Variants in PAPLN observed in about 807,000 individuals in gnomAD.
PAPLN encodes papilin, proteoglycan like sulfated glycoprotein, also known as papilin.
A neutral mutation model predicts 159.0 loss-of-function variants in PAPLN; 146 were observed. The observed-to-expected ratio is 0.92, with a 90% CI of 0.80 to 1.05. PAPLN has a LOEUF of 1.05. Ranked by LOEUF, PAPLN falls within the 50% of genes least tolerant of loss-of-function variation. The pLI is 0.00. For synonymous variants in PAPLN, 734 were observed against 702.9 expected, an observed-to-expected ratio of 1.04 and a Z score of -0.70; for missense variants, 1,720 against 1,743.9, an observed-to-expected ratio of 0.99 and a Z score of 0.24.
At chr14:73,236,102 T>TTCTTCCCCCCAACC (rs1883022063), upstream of PAPLN, among the ~76,000 whole-genome samples, 1 of 127,002 alleles carries the variant, frequency 7.9e-6, no homozygotes, top group Non-Finnish European at 1.6e-5. Flanking sequence ...TCTCCCCAAC[T>TTCTTCCCCCCAACC]TCTTCCCCCC....
At position 73,254,880 on chromosome 14, in the gene PAPLN, T is replaced by C; in HGVS notation, c.1489T>C (p.Ser497Pro). 1 of 1,611,448 alleles carries C rather than the reference T, an allele frequency of 6.2e-7. No homozygotes were observed. The highest frequency in any genetic ancestry group is 8.5e-7 in the Non-Finnish European group (1 of 1,179,928). ...AWHVGTWGLC[S>P]KSCSSGTRRR... ...CTCTCCCACTCGTGGGCCTCAGTGC[T>C]CCAAGAGCTGCAGCTCGGGCACTCG... Residue 497 changes from serine to proline, a missense_variant, in exon 14 of 27, where the codon TCC becomes CCC. Physicochemically the swap from Ser to Pro is moderately conservative, Grantham distance 74 (BLOSUM62 -1). Coordinates refer to ENST00000644200, the MANE Select transcript of PAPLN (RefSeq NM_001365906.3).
chr14:73,240,133 CG>C (rs1883383000), intron 2 of PAPLN, among the ~76,000 whole-genome samples: 1 of 152,122 alleles, frequency 6.6e-6, no homozygotes, highest in Non-Finnish European at 1.5e-5. Context: ...CCAATCCTGG[CG>C]GGTGCAGCCA....
rs752167574 is a variant in PAPLN, at chr14:73,272,917, A to G, written c.*253A>G. On this transcript the variant is annotated 3_prime_UTR_variant, in exon 27 of 27. Transcript: ENST00000644200. The stretch of plus-strand genomic sequence containing the variant: ...TTTTCAAGAAGAGCAATCTGTTTGG[A>G]TAAGAAAAACCTTTACTTTACAGCT... 3 of 359,664 alleles carry G rather than the reference A, an allele frequency of 8.3e-6. No individual in the cohort carries two copies. Among genetic ancestry groups the G allele is most frequent in the Non-Finnish European group, 1.5e-5 (3 of 202,122 alleles). The allele number at this position is 359,664 out of a possible 1,614,324, so 22.3% of individuals were successfully genotyped here. A position where few individuals can be genotyped will look rare whatever the true frequency, so the allele number is the denominator to read the frequency against.
In PAPLN at chr14:73,254,711, C is replaced by A; in HGVS notation, c.1485+16C>A. The A allele has an allele frequency of 6.2e-7, 1 of 1,610,080 alleles. No individual in the cohort carries two copies. Among genetic ancestry groups the A allele is most frequent in the Non-Finnish European group, 8.5e-7 (1 of 1,177,324 alleles). On this transcript the variant is annotated intron_variant, in intron 13 of 26. Coordinates refer to ENST00000644200, the MANE Select transcript of PAPLN (RefSeq NM_001365906.3). ...CTGGGGTCTAGTGAGTGCTCTCCAC[C>A]CCCACACCTGCTGCCTGACCCTGGT...
At chr14:73,251,421 C>A in intron 7 of PAPLN, 65 bp from the exon 8 acceptor site, 1 of 1,493,734 alleles carries the variant, frequency 6.7e-7, no homozygotes, top group South Asian at 1.2e-5. Context: ...CACTTGGAGT[C>A]CTGTTTGAGT....
intron 9 of PAPLN, 72 bp downstream of exon 9, chr14:73,251,908 A>C (rs139391346): frequency 4.5e-6 from 7 of 1,548,826 alleles, no homozygotes; most frequent in Admixed American, 2.0e-5. Flanking sequence ...AGCTCTGTAC[A>C]TGGGGGGTTG....
In PAPLN at chr14:73,268,783, C is replaced by A. The variant is rs1887452024; in HGVS notation, c.3667+60C>A. 2.0e-6 allele frequency: 3 copies of A among 1,501,116 alleles called. No individual in the cohort carries two copies. The South Asian group carries it at 4.0e-5, about 20-fold the overall frequency. The allele number at this position is 1,501,116 out of a possible 1,614,324, so 93.0% of individuals were successfully genotyped here. ...ATTCCCCAGTAGATTTACTGGTTCT[C>A]AAGGGCTGGCTCTGCAGTCTGAGGG... On this transcript the variant is annotated intron_variant, in intron 26 of 26. Transcript: ENST00000644200.
chr14:73,246,223 G>A lies in PAPLN; in HGVS notation c.334+48G>A, dbSNP rs753750314. On this transcript the variant is annotated intron_variant, in intron 5 of 26. Coordinates refer to ENST00000644200, the MANE Select transcript of PAPLN (RefSeq NM_001365906.3). ...CTCTCGGGGCCTCTTGTATACCTAC[G>A]TTGATGCCACAGTTCCTATTGCCGT... The A allele has an allele frequency of 2.1e-6, 3 of 1,442,094 alleles. No homozygotes were observed. The Admixed American group carries it at 7.6e-5, about 37-fold the overall frequency. The allele number at this position is 1,442,094 out of a possible 1,614,324, so 89.3% of individuals were successfully genotyped here. A position where few individuals can be genotyped will look rare whatever the true frequency, so the allele number is the denominator to read the frequency against.
chr14:73,254,522 A>G lies in PAPLN; in HGVS notation c.1312A>G (p.Ser438Gly). Residue 438 changes from serine to glycine, a missense_variant, in exon 13 of 27, where the codon AGT becomes GGT. By Grantham distance (56) the Ser-to-Gly change is moderately conservative. Transcript: ENST00000644200. Reference sequence around the variant, plus strand: ...AGCCTTGTCCTTGCAGTGTTCTGTCAGTTGTGGCGTTGGCGTCCGGAAGCG... The same window carrying G: ...AGCCTTGTCCTTGCAGTGTTCTGTCGGTTGTGGCGTTGGCGTCCGGAAGCG... ...SPEPWGECSVSCGVGVRKRSV... is the reference protein window; with the variant it reads ...SPEPWGECSVGCGVGVRKRSV... The G allele has an allele frequency of 6.2e-7, 1 of 1,613,904 alleles. No homozygotes were observed. The highest frequency in any genetic ancestry group is 8.5e-7 in the Non-Finnish European group (1 of 1,179,846).
chr14:73,241,528 C>T (rs766429604), intron 2 of PAPLN, among the ~76,000 whole-genome samples: 29 of 152,360 alleles, frequency 1.9e-4, no homozygotes, highest in Non-Finnish European at 3.2e-4. Flanking sequence ...TTCTCTTAAA[C>T]CTTTTCTCCC....
chr14:73,256,429 G>C lies in PAPLN; in HGVS notation c.1627+1411G>C, dbSNP rs140619361. On this transcript the variant is annotated intron_variant, in intron 14 of 26. Coordinates refer to ENST00000644200, the MANE Select transcript of PAPLN (RefSeq NM_001365906.3). ...TGCCTGTAATCCCAGTTACTTGGGA[G>C]GCTGAGGCAGGAGAATTGCTTGAAC... is the stretch of plus-strand genomic sequence containing the variant. Among the ~76,000 whole-genome samples, 786 of 151,572 alleles carry C rather than the reference G, an allele frequency of 5.2e-3. 4 individuals carry two copies. The highest frequency in any genetic ancestry group is 0.018 in the African/African-American group (751 of 41,292).
Position 73,262,373 on chromosome 14 carries a change from C to T in PAPLN, c.2269C>T (p.Pro757Ser), listed in dbSNP as rs750279692. The change falls in exon 19 of 27, where the codon CCC becomes TCC. Residue 757 changes from proline (P) to serine (S), a missense_variant. Coordinates refer to ENST00000644200, the MANE Select transcript of PAPLN (RefSeq NM_001365906.3). ...AGCCTACCCCGTGCGGTGCCTGCTG[C>T]CCAGTGCCCATGGCTCTTGCGCAGA... ...SHAYPVRCLLPSAHGSCADWA... is the reference protein window; with the variant it reads ...SHAYPVRCLLSSAHGSCADWA... The T allele has an allele frequency of 1.9e-6, 3 of 1,613,398 alleles. No homozygotes were observed. The highest frequency in any genetic ancestry group is 2.5e-6 in the Non-Finnish European group (3 of 1,179,638).
rs935793093 is a variant in PAPLN at position 73,272,781 on chromosome 14, T to C, written c.*117T>C. The C allele has an allele frequency of 5.9e-6, 7 of 1,195,394 alleles. No individual in the cohort carries two copies. The Admixed American group carries it at 1.5e-4, about 26-fold the overall frequency. The allele number at this position is 1,195,394 out of a possible 1,614,324, so 74.0% of individuals were successfully genotyped here. ...AAAGGGAGTTATCTTCTGGAATACATTAGCTCTTTCAAAAACCCACCCAGT... is the reference window on the plus strand; with the variant it reads ...AAAGGGAGTTATCTTCTGGAATACACTAGCTCTTTCAAAAACCCACCCAGT... On this transcript the variant is annotated 3_prime_UTR_variant, in exon 27 of 27. Transcript: ENST00000644200.
At chr14:73,256,815 G>A (rs1238609944) in intron 14 of PAPLN, among the ~76,000 whole-genome samples, 1 of 151,990 alleles carries the variant, frequency 6.6e-6, no homozygotes, top group African/African-American at 2.4e-5. Context: ...CCTGGGAGGT[G>A]GAGGTTGCAG....
At chr14:73,270,766 G>T (rs1264375061) in intron 26 of PAPLN, among the ~76,000 whole-genome samples, 1 of 152,188 alleles carries the variant, frequency 6.6e-6, no homozygotes, top group Admixed American at 6.5e-5. Context: ...AATGGCCTGA[G>T]ATGTGTGTCC....
In PAPLN at chr14:73,264,524, C is replaced by T. The variant is rs1887009221; in HGVS notation, c.2987-64C>T. 1.9e-6 allele frequency: 3 copies of T among 1,548,778 alleles called. No homozygotes were observed. In the East Asian group the frequency reaches 6.8e-5, roughly 35 times the overall value. ...CGTAAGTCCCTGCTGGTCTCATGGC[C>T]CGCCCTTCCTTCCACTCCCTTTTCC... On this transcript the variant is annotated intron_variant, in intron 21 of 26. Transcript: ENST00000644200.
intron 22 of PAPLN, among the ~76,000 whole-genome samples, chr14:73,264,986 C>A: frequency 6.6e-6 from 1 of 152,180 alleles, no homozygotes; most frequent in East Asian, 1.9e-4. Context: ...GGGCCTGAGC[C>A]GGCTTCTTTG....
Position 73,251,782 on chromosome 14 carries a change from G to T in PAPLN, c.789G>T (p.Leu263=). ...LHYERGAEGD[L]APERLHARGP... ...ACGAGCGGGGTGCTGAGGGGGACCT[G>T]GCCCCTGAGCGACTCCATGCCCGGG... Residue 263 remains leucine, a synonymous_variant, in exon 9 of 27, where the codon CTG becomes CTT. Coordinates refer to ENST00000644200, the MANE Select transcript of PAPLN (RefSeq NM_001365906.3). 2 of 1,609,514 alleles carry T rather than the reference G, an allele frequency of 1.2e-6. No homozygotes were observed. The highest frequency in any genetic ancestry group is 1.7e-6 in the Non-Finnish European group (2 of 1,178,762).
chr14:73,248,997 G>A (rs931222815), intron 5 of PAPLN, among the ~76,000 whole-genome samples: 2 of 151,960 alleles, frequency 1.3e-5, no homozygotes, highest in Non-Finnish European at 2.9e-5. Context: ...TGGGTATGAT[G>A]GCATGTGCCT....
Sources: gnomAD v4.1 joint callset for allele counts (sites outside exome capture counted in the v4.1 genomes callset) on GRCh38, gnomAD v4.1.1 for gene constraint, MANE v1.5 for transcripts, NCBI Gene and HGNC (gene_info 2026-07-23, HGNC 2026-07-21) for gene names.